AAMDC: variants seen among roughly 807,000 people sequenced by gnomAD.
AAMDC encodes the protein mth938 domain-containing protein.
A neutral mutation model predicts 15.5 loss-of-function variants in AAMDC; 16 were observed. That is an observed-to-expected ratio of 1.03 (90% CI 0.70 to 1.57). AAMDC has a LOEUF of 1.57. Among genes scored for constraint, AAMDC ranks in the 40% most tolerant of loss-of-function variants. AAMDC has a pLI of 0.00. For synonymous variants in AAMDC, 51 were observed against 51.6 expected, an observed-to-expected ratio of 0.99 and a Z score of 0.05; for missense variants, 141 against 144.9, an observed-to-expected ratio of 0.97 and a Z score of 0.14.
At chr11:77,827,199 T>C (rs532857457) in intron 1 of AAMDC, among the ~76,000 whole-genome samples, 24 of 152,200 alleles carry the variant, frequency 1.6e-4, no homozygotes, top group African/African-American at 5.3e-4. Context: ...GGCTTCATGG[T>C]CAGTTCTACC....
chr11:77,861,492 G>A (rs924534509), intron 2 of AAMDC, among the ~76,000 whole-genome samples: 4 of 152,166 alleles, frequency 2.6e-5, no homozygotes, highest in Admixed American at 6.5e-5. Context: ...CTCTGTGAGG[G>A]TGATGGCATG....
chr11:77,859,451 C>G (rs1428470678), intron 2 of AAMDC, among the ~76,000 whole-genome samples: 1 of 152,148 alleles, frequency 6.6e-6, no homozygotes, highest in Non-Finnish European at 1.5e-5. Flanking sequence ...TTAGGAATTC[C>G]TTTTCTCTCC....
At chr11:77,872,053 G>C in intron 3 of AAMDC, 122 bp from the exon 4 acceptor site, 1 of 1,134,988 alleles carries the variant, frequency 8.8e-7, no homozygotes, top group South Asian at 1.8e-5. Flanking sequence ...GTGATACACT[G>C]AGTGATCGTG....
chr11:77,843,379 T>C (rs1295198890), intron 2 of AAMDC, among the ~76,000 whole-genome samples: 3 of 152,086 alleles, frequency 2.0e-5, no homozygotes, highest in Non-Finnish European at 4.4e-5. Context: ...TCACCTGGGA[T>C]GTAGCCTCAA....
chr11:77,866,085 T>C (rs1565211771), intron 2 of AAMDC, among the ~76,000 whole-genome samples: 1 of 152,248 alleles, frequency 6.6e-6, no homozygotes. Context: ...GCATTGCTAC[T>C]ACCCATTTAT....
At chr11:77,891,446 G>A (rs772845673) in intron 5 of AAMDC, 5 of 1,613,730 alleles carry the variant, frequency 3.1e-6, no homozygotes. Flanking sequence ...GATGATGGTG[G>A]CTGAGGCTTT....
chr11:77,889,427 T>A (rs1216565396), intron 5 of AAMDC, among the ~76,000 whole-genome samples: 4 of 151,378 alleles, frequency 2.6e-5, no homozygotes. Context: ...GGATAGCATT[T>A]GGAGATATAC....
At chr11:77,900,327 C>A (rs1952731889) in intron 5 of AAMDC, among the ~76,000 whole-genome samples, 3 of 152,088 alleles carry the variant, frequency 2.0e-5, no homozygotes, top group Admixed American at 2.0e-4. Context: ...TCTTGATCTC[C>A]TGACCTCGTG....
intron 5 of AAMDC, among the ~76,000 whole-genome samples, chr11:77,894,800 T>C (rs993061522): frequency 2.6e-5 from 4 of 152,248 alleles, no homozygotes; most frequent in African/African-American, 9.6e-5. Flanking sequence ...CTGTGTGGAC[T>C]GCTGCAAGAT....
At chr11:77,879,086 A>C (rs774332448) in intron 5 of AAMDC, 1 of 1,614,160 alleles carries the variant, frequency 6.2e-7, no homozygotes. Flanking sequence ...CGAGCACTGG[A>C]GTTGTAGGCC....
chr11:77,826,016 T>C (rs1194328364), intron 1 of AAMDC, among the ~76,000 whole-genome samples: 2 of 152,168 alleles, frequency 1.3e-5, no homozygotes, highest in East Asian at 1.9e-4. Flanking sequence ...GACTTATGCA[T>C]GAGTCTATTC....
intron 1 of AAMDC, among the ~76,000 whole-genome samples, chr11:77,824,363 C>T (rs557511562): frequency 6.6e-6 from 1 of 152,274 alleles, no homozygotes; most frequent in South Asian, 2.1e-4. Context: ...CATTAAGTTA[C>T]ACTTGGTTCA....
At chr11:77,883,957 A>T in intron 5 of AAMDC, 1 of 1,612,180 alleles carries the variant, frequency 6.2e-7, no homozygotes, top group Non-Finnish European at 8.5e-7. Flanking sequence ...TAAGACCTAA[A>T]GGGTGACAGA....
intron 2 of AAMDC, among the ~76,000 whole-genome samples, chr11:77,857,072 C>T (rs1950650840): frequency 2.0e-5 from 3 of 152,120 alleles, no homozygotes; most frequent in South Asian, 4.1e-4. Context: ...ATATCATCAC[C>T]CAACATTAAA....
intron 2 of AAMDC, among the ~76,000 whole-genome samples, chr11:77,849,570 G>T (rs965230666): frequency 3.3e-5 from 5 of 152,126 alleles, no homozygotes; most frequent in African/African-American, 1.2e-4. Flanking sequence ...CTGTTGCTTA[G>T]GTTGGTTCAA....
At chr11:77,901,417 T>C, downstream of AAMDC, 1 of 1,613,930 alleles carries the variant, frequency 6.2e-7, no homozygotes, top group South Asian at 1.1e-5. Flanking sequence ...ACCCCACATC[T>C]TACCCTCGTG....
intron 5 of AAMDC, among the ~76,000 whole-genome samples, chr11:77,887,236 G>C (rs1193141759): frequency 6.6e-6 from 1 of 152,156 alleles, no homozygotes; most frequent in Non-Finnish European, 1.5e-5. Context: ...GATCAAGTGG[G>C]CTTCATCCCT....
intron 5 of AAMDC, chr11:77,879,224 G>C: frequency 7.4e-7 from 1 of 1,359,626 alleles, no homozygotes; most frequent in Non-Finnish European, 1.0e-6. Context: ...GAAGCAGTAG[G>C]GAGAAATTTC....
At chr11:77,874,774 C>T (rs1951552221), downstream of AAMDC, among the ~76,000 whole-genome samples, 2 of 152,166 alleles carry the variant, frequency 1.3e-5, no homozygotes, top group Non-Finnish European at 2.9e-5. Flanking sequence ...CGGTGGCTCA[C>T]GCCTGTAATC....
Sources: gnomAD v4.1 joint callset for allele counts (sites outside exome capture counted in the v4.1 genomes callset) on GRCh38, gnomAD v4.1.1 for gene constraint, MANE v1.5 for transcripts, NCBI Gene and HGNC (gene_info 2026-07-23, HGNC 2026-07-21) for gene names.